Variants in KIF1A observed in about 807,000 individuals in gnomAD.
KIF1A encodes the protein kinesin-like protein KIF1A.
A neutral mutation model predicts 227.3 loss-of-function variants in KIF1A; 46 were observed. That is an observed-to-expected ratio of 0.20 (90% confidence interval 0.16 to 0.26). The LOEUF (loss-of-function observed/expected upper bound fraction) is 0.26. KIF1A is among the 10% of genes least tolerant of loss of function. The probability of loss-of-function intolerance (pLI) is 1.00; values close to 1 mark genes in which losing one functional copy is unlikely to be tolerated. For missense variants in KIF1A, 1,683 were observed against 2,485.9 expected (o/e 0.68, Z 6.87); for synonymous variants, 1,022 against 1,012.8 (o/e 1.01, Z -0.17).
At chr2:240,812,643 C>T (rs1190228325) in intron 1 of KIF1A, among the ~76,000 whole-genome samples, 2 of 150,174 alleles carry the variant, frequency 1.3e-5, no homozygotes, top group Non-Finnish European at 3.0e-5. Flanking sequence ...TCTGGGTCCG[C>T]CTTCACCTCA....
chr2:240,717,830 G>A (rs937044990), intron 48 of KIF1A, among the ~76,000 whole-genome samples: 16 of 152,220 alleles, frequency 1.1e-4, no homozygotes, highest in Non-Finnish European at 1.9e-4. Flanking sequence ...TCCACTGGCC[G>A]CACTGCTTCC....
In KIF1A at chr2:240,769,688, C is replaced by T. The variant is rs1575598898; in HGVS notation, c.1360G>A (p.Ala454Thr). Reference protein sequence around the residue: ...ERLKETEKIIAELNETWEEKL... With the variant: ...ERLKETEKIITELNETWEEKL... ...TCCTCCCAGGTCTCATTGAGCTCAG[C>T]TATGATCTTCTCTGTTTCCTGGGGA... is the stretch of plus-strand genomic sequence containing the variant. The change falls in exon 16 of 49, where the codon GCT becomes ACT. Residue 454 changes from alanine to threonine, a missense_variant. Transcript: ENST00000498729. The T allele has an allele frequency of 1.2e-5, 19 of 1,613,438 alleles. No individual in the cohort carries two copies. Among genetic ancestry groups the T allele is most frequent in the Non-Finnish European group, 1.6e-5 (19 of 1,179,764 alleles).
rs2045829280 is a variant in KIF1A at position 240,724,942 on chromosome 2, G to GC, written c.4256+328_4256+329insG. On this transcript the variant is annotated intron_variant, in intron 40 of 48. Transcript: ENST00000498729. ...AAGAAGGTCACCGGCGGCGGGGGGG[G>GC]GGGGGGGGGAACGGTGTGGCCCCAG... 6.1e-5 allele frequency: 11 copies of GC among 180,896 alleles called. 1 individual carries two copies. The South Asian group carries it at 6.9e-4, about 11-fold the overall frequency. The allele number at this position is 180,896 out of a possible 1,614,324, so 11.2% of individuals were successfully genotyped here.
Position 240,716,214 on chromosome 2 carries a change from A to C in KIF1A, c.*1150T>G, listed in dbSNP as rs879214217. On this transcript the variant is annotated 3_prime_UTR_variant, in exon 49 of 49. Transcript: ENST00000498729. ...TACCCCCACCCCATGGGATTTTCTC[A>C]GTGGGACTCACAGAAACTCTCTGCC... The C allele has an allele frequency of 6.6e-6, 1 of 152,208 alleles. No individual in the cohort carries two copies. Among genetic ancestry groups the C allele is most frequent in the Non-Finnish European group, 1.5e-5 (1 of 67,992 alleles). 9.4% of individuals were successfully genotyped at this position (152,208 alleles called of 1,614,324 possible). A position where few individuals can be genotyped will look rare whatever the true frequency, so the allele number is the denominator to read the frequency against.
At chr2:240,811,309 G>A (rs2057845166) in intron 1 of KIF1A, among the ~76,000 whole-genome samples, 1 of 152,160 alleles carries the variant, frequency 6.6e-6, no homozygotes, top group African/African-American at 2.4e-5. Context: ...AGGTTGCAGT[G>A]AGTAGAGATT....
At chr2:240,731,595 A>C (rs1483613594) in intron 38 of KIF1A, among the ~76,000 whole-genome samples, 1 of 152,198 alleles carries the variant, frequency 6.6e-6, no homozygotes, top group Non-Finnish European at 1.5e-5. Flanking sequence ...ATCTGGCCTC[A>C]GAGGCAGTGC....
intron 1 of KIF1A, among the ~76,000 whole-genome samples, chr2:240,808,014 C>G (rs768643123): frequency 2.0e-5 from 3 of 152,162 alleles, no homozygotes; most frequent in African/African-American, 4.8e-5. Context: ...CTCATAATAG[C>G]TATCTACTAA....
At chr2:240,802,227 A>C (rs1405885561) in intron 1 of KIF1A, among the ~76,000 whole-genome samples, 2 of 152,250 alleles carry the variant, frequency 1.3e-5, no homozygotes, top group Non-Finnish European at 2.9e-5. Context: ...AAGAGGTAAC[A>C]GTAATCATTT....
chr2:240,748,066 C>T (rs2048809601), intron 28 of KIF1A, among the ~76,000 whole-genome samples: 1 of 152,232 alleles, frequency 6.6e-6, no homozygotes, highest in African/African-American at 2.4e-5. Flanking sequence ...AGGTATCACC[C>T]AACATAAAAT....
At chr2:240,802,906 A>G (rs1438617342) in intron 1 of KIF1A, among the ~76,000 whole-genome samples, 1 of 152,214 alleles carries the variant, frequency 6.6e-6, no homozygotes. Context: ...CTGGGATTCC[A>G]GGTGTGAGTC....
rs1449320277 is a variant in KIF1A, at chr2:240,739,948, G to A, written c.3901+110C>T. The A allele has an allele frequency of 1.9e-5, 15 of 788,444 alleles. No individual in the cohort carries two copies. Among genetic ancestry groups the A allele is most frequent in the South Asian group, 1.7e-4 (11 of 62,970 alleles). The allele number at this position is 788,444 out of a possible 1,614,324, so 48.8% of individuals were successfully genotyped here. On this transcript the variant is annotated intron_variant, in intron 37 of 48. Coordinates refer to ENST00000498729, the MANE Select transcript of KIF1A (RefSeq NM_001244008.2). The surrounding 1 kb of genome is among the most constrained non-coding windows in gnomAD (Gnocchi z 5.6). ...GATTATGTGACCCGGCCAGGGTCAC[G>A]CAGCAACAGACGCAGAGGTGTGGTT... is the stretch of plus-strand genomic sequence containing the variant.
intron 37 of KIF1A, among the ~76,000 whole-genome samples, chr2:240,738,488 C>T (rs1458049529): frequency 6.6e-6 from 1 of 152,114 alleles, no homozygotes; most frequent in African/African-American, 2.4e-5. Context: ...AGGCTGTGAA[C>T]AGTGAGATTG....
intron 43 of KIF1A, 79 bp downstream of exon 43, chr2:240,722,376 GT>G (rs1423328932): frequency 1.5e-6 from 2 of 1,372,674 alleles, no homozygotes; most frequent in Non-Finnish European, 2.0e-6. Flanking sequence ...GCAAGGCCGG[GT>G]TGCTGGAGTT....
intron 15 of KIF1A, among the ~76,000 whole-genome samples, chr2:240,770,762 C>T (rs1414295634): frequency 6.6e-6 from 1 of 152,194 alleles, no homozygotes; most frequent in African/African-American, 2.4e-5. Flanking sequence ...CTGGGGACCC[C>T]CAAGTGAACT....
Position 240,724,316 on chromosome 2 carries a change from A to G in KIF1A, c.4257-280T>C, listed in dbSNP as rs2045737976. 7 of 502,182 alleles carry G rather than the reference A, an allele frequency of 1.4e-5. No homozygotes were observed. In the South Asian group the frequency reaches 1.5e-4, roughly 10 times the overall value. The allele number at this position is 502,182 out of a possible 1,614,324, so 31.1% of individuals were successfully genotyped here. A position where few individuals can be genotyped will look rare whatever the true frequency, so the allele number is the denominator to read the frequency against. On this transcript the variant is annotated intron_variant, in intron 40 of 48. Transcript: ENST00000498729. ...GCAGCCTCCACTTTGTCCCAGCCCA[A>G]GTGGGGTACAGGCAACATGAGCACA... is the stretch of plus-strand genomic sequence containing the variant.
intron 25 of KIF1A, among the ~76,000 whole-genome samples, chr2:240,759,039 C>G (rs1481533096): frequency 6.6e-6 from 1 of 152,080 alleles, no homozygotes; most frequent in Admixed American, 6.5e-5. Context: ...AGTGGCTGTC[C>G]GTCCTTCCAA....
Position 240,774,044 on chromosome 2 carries a change from T to A in KIF1A, c.1037+139A>T, listed in dbSNP as rs1355276403. 9.9e-6 allele frequency: 5 copies of A among 503,830 alleles called. No individual in the cohort carries two copies. In the Admixed American group the frequency reaches 1.7e-4, roughly 17 times the overall value. 31.2% of individuals were successfully genotyped at this position (503,830 alleles called of 1,614,324 possible). ...GCCCAGGAGCCTCAGAACAGTCTCTTCCAGCCTCACAGAGTCCAGGGTATA... is the reference window on the plus strand; with the variant it reads ...GCCCAGGAGCCTCAGAACAGTCTCTACCAGCCTCACAGAGTCCAGGGTATA... On this transcript the variant is annotated intron_variant, in intron 12 of 48. Transcript: ENST00000498729.
chr2:240,725,548 G>A lies in KIF1A; in HGVS notation c.4123-144C>T. 5.9e-6 allele frequency: 5 copies of A among 844,506 alleles called. No individual in the cohort carries two copies. The South Asian group carries it at 7.2e-5, about 12-fold the overall frequency. 52.3% of individuals were successfully genotyped at this position (844,506 alleles called of 1,614,324 possible). On this transcript the variant is annotated intron_variant, in intron 39 of 48. Coordinates refer to ENST00000498729, the MANE Select transcript of KIF1A (RefSeq NM_001244008.2). This position sits in a 1 kb window ranked among gnomAD's most constrained non-coding sequence, Gnocchi z 5.8. ...GGGCCTCAGGTGTGGCCTGGACGCA[G>A]GCAGGAGAAAGTCTCTGCTCCTGCC...
intron 37 of KIF1A, among the ~76,000 whole-genome samples, chr2:240,737,891 A>G (rs911332853): frequency 3.9e-5 from 6 of 152,244 alleles, no homozygotes; most frequent in South Asian, 2.1e-4. Flanking sequence ...TCCGCCATGC[A>G]TGGACAAGAT....
Sources: gnomAD v4.1 joint callset for allele counts (sites outside exome capture counted in the v4.1 genomes callset) on GRCh38, gnomAD v4.1.1 for gene constraint, Gnocchi (gnomAD v3.1) non-coding constraint, MANE v1.5 for transcripts, NCBI Gene and HGNC (gene_info 2026-07-23, HGNC 2026-07-21) for gene names.